Variants in BBS9 observed in about 807,000 individuals in gnomAD.
The protein encoded by BBS9 is Bardet-Biedl syndrome 9.
In BBS9, 89 loss-of-function variants were observed where a neutral mutation model predicts 117.7. That is an observed-to-expected ratio of 0.76 (90% CI 0.64 to 0.90). The LOEUF is 0.90. Ranked by LOEUF, BBS9 falls within the 40% of genes least tolerant of loss-of-function variation. The pLI is 0.00. For synonymous variants in BBS9, 379 were observed against 370.9 expected (o/e 1.02, Z -0.25); for missense variants, 982 against 1,042.2 (o/e 0.94, Z 0.80).
chr7:33,547,904 G>A (rs919839227), intron 21 of BBS9, among the ~76,000 whole-genome samples: 12 of 152,176 alleles, frequency 7.9e-5, no homozygotes, highest in African/African-American at 2.9e-4. Flanking sequence ...ATGAATGGAA[G>A]ATTAGTGGAA....
At chr7:33,448,826 C>T (rs1257110418) in intron 19 of BBS9, among the ~76,000 whole-genome samples, 1 of 152,226 alleles carries the variant, frequency 6.6e-6, no homozygotes, top group African/African-American at 2.4e-5. Context: ...TAGGCCCTGG[C>T]ATGAAGGCCC....
At chr7:33,573,909 C>G (rs1381164608) in intron 21 of BBS9, among the ~76,000 whole-genome samples, 1 of 152,058 alleles carries the variant, frequency 6.6e-6, no homozygotes, top group Non-Finnish European at 1.5e-5. Flanking sequence ...CTATTTGCAC[C>G]TAGCTTGGGG....
intron 9 of BBS9, among the ~76,000 whole-genome samples, chr7:33,329,029 G>A (rs57621321): frequency 0.17 from 16,863 of 96,460 alleles, 1,120 homozygotes; most frequent in South Asian, 0.25. Flanking sequence ...TTATTTATTT[G>A]TTTATTTAGA....
intron 4 of BBS9, among the ~76,000 whole-genome samples, 176 bp downstream of exon 4, chr7:33,155,878 A>G (rs370668920): frequency 4.6e-5 from 7 of 152,180 alleles, no homozygotes; most frequent in Admixed American, 1.3e-4. Flanking sequence ...TACTTAGGCT[A>G]TTACATTTTC....
chr7:33,519,153 A>G (rs893217205), intron 20 of BBS9, among the ~76,000 whole-genome samples: 1 of 152,238 alleles, frequency 6.6e-6, no homozygotes. Flanking sequence ...ATGTATTTTT[A>G]GACACGTTTT....
At chr7:33,542,095 T>G (rs1314591198) in intron 21 of BBS9, among the ~76,000 whole-genome samples, 1 of 151,834 alleles carries the variant, frequency 6.6e-6, no homozygotes, top group East Asian at 1.9e-4. Context: ...TAAGTTCTTT[T>G]TTTTTTTAAG....
intron 9 of BBS9, among the ~76,000 whole-genome samples, chr7:33,302,109 G>A (rs1472189299): frequency 2.0e-5 from 3 of 151,950 alleles, no homozygotes; most frequent in African/African-American, 7.2e-5. Flanking sequence ...TCTTTTGCCC[G>A]TTTTTAGTTG....
intron 4 of BBS9, among the ~76,000 whole-genome samples, chr7:33,166,548 T>C (rs975770782): frequency 6.6e-6 from 1 of 152,248 alleles, no homozygotes; most frequent in African/African-American, 2.4e-5. Context: ...TTTGTTTACC[T>C]ACTCAAGCCT....
chr7:33,488,651 A>G (rs1313720416), intron 19 of BBS9, among the ~76,000 whole-genome samples: 1 of 152,202 alleles, frequency 6.6e-6, no homozygotes, highest in Non-Finnish European at 1.5e-5. Flanking sequence ...TTGAATATTT[A>G]CAGTGTCATG....
At chr7:33,411,194 G>A (rs1160235264) in intron 19 of BBS9, among the ~76,000 whole-genome samples, 1 of 152,042 alleles carries the variant, frequency 6.6e-6, no homozygotes, top group Non-Finnish European at 1.5e-5. Flanking sequence ...AGTTGCAGAT[G>A]CCAAATCTTC....
chr7:33,270,151 A>G (rs1307020432), intron 7 of BBS9, among the ~76,000 whole-genome samples: 1 of 152,226 alleles, frequency 6.6e-6, no homozygotes, highest in Non-Finnish European at 1.5e-5. Context: ...TTAGCTATAA[A>G]TAAAAACCTT....
chr7:33,411,011 G>T (rs199800467), intron 19 of BBS9, among the ~76,000 whole-genome samples: 1,682 of 95,464 alleles, frequency 0.018, 21 homozygotes, highest in South Asian at 0.039. Flanking sequence ...AAATGTTGGT[G>T]TTTTTTTTTT....
chr7:33,193,422 C>CTTT (rs36059892), intron 5 of BBS9, among the ~76,000 whole-genome samples: 1 of 26,124 alleles, frequency 3.8e-5, no homozygotes, highest in Non-Finnish European at 9.3e-5. Flanking sequence ...CTCTCTCTGC[C>CTTT]TTTTTTTTTT....
intron 19 of BBS9, among the ~76,000 whole-genome samples, chr7:33,466,375 A>G (rs967476149): frequency 2.7e-5 from 4 of 146,052 alleles, no homozygotes; most frequent in African/African-American, 1.0e-4. Context: ...GATTCTGCAT[A>G]TATGTGAGGT....
chr7:33,541,859 T>G (rs1585186489), intron 21 of BBS9, among the ~76,000 whole-genome samples: 2 of 152,214 alleles, frequency 1.3e-5, no homozygotes, highest in Non-Finnish European at 2.9e-5. Flanking sequence ...AAAAATGTTC[T>G]GAAATTAGAT....
chr7:33,277,839 A>G (rs771930004), intron 9 of BBS9, among the ~76,000 whole-genome samples: 1 of 152,166 alleles, frequency 6.6e-6, no homozygotes, highest in African/African-American at 2.4e-5. Context: ...AGGTTCTACA[A>G]TAGTGATGTT....
chr7:33,239,696 A>C (rs1231692024), intron 5 of BBS9, among the ~76,000 whole-genome samples: 5 of 152,168 alleles, frequency 3.3e-5, no homozygotes, highest in African/African-American at 9.7e-5. Flanking sequence ...TAAAATATTT[A>C]ATGTCTTTTC....
chr7:33,139,919 C>G (rs17169805), intron 1 of BBS9, among the ~76,000 whole-genome samples: 39 of 151,768 alleles, frequency 2.6e-4, no homozygotes, highest in Non-Finnish European at 4.6e-4. Context: ...GTTGGTCACT[C>G]CCTTTTTCTA....
chr7:33,443,847 G>A (rs1836581460), intron 19 of BBS9, among the ~76,000 whole-genome samples: 1 of 152,182 alleles, frequency 6.6e-6, no homozygotes. Context: ...GAATGCCTGA[G>A]AAAAGAAGTC....
Sources: allele counts gnomAD v4.1 joint callset (sites outside exome capture counted in the v4.1 genomes callset), GRCh38; gene constraint gnomAD v4.1.1; transcripts MANE v1.5; gene names NCBI Gene and HGNC (gene_info 2026-07-23, HGNC 2026-07-21).